Variants in MEF2A observed in about 807,000 individuals in gnomAD.
The protein encoded by MEF2A is myocyte enhancer factor 2A, also known as myocyte-specific enhancer factor 2A.
A neutral mutation model predicts 55.8 loss-of-function variants in MEF2A; 28 were observed. That is an observed-to-expected ratio of 0.50 (90% confidence interval 0.37 to 0.69). The LOEUF is 0.69. MEF2A is among the 30% of genes least tolerant of loss of function. MEF2A has a pLI of 0.00. For missense variants in MEF2A, 528 were observed against 626.2 expected (o/e 0.84, Z 1.67); for synonymous variants, 239 against 227.1 (o/e 1.05, Z -0.47).
chr15:99,618,941 T>C (rs566355491), intron 2 of MEF2A, among the ~76,000 whole-genome samples: 1 of 152,288 alleles, frequency 6.6e-6, no homozygotes, highest in East Asian at 1.9e-4. Context: ...ATGTGTGAAA[T>C]TTAAATTGTG....
At chr15:99,683,687 A>G (rs554480606) in intron 7 of MEF2A, among the ~76,000 whole-genome samples, 68 of 149,098 alleles carry the variant, frequency 4.6e-4, no homozygotes, top group African/African-American at 1.7e-3. Context: ...TATACTTGCG[A>G]GCCACCATGC....
At chr15:99,590,615 T>A (rs1258064904) in intron 1 of MEF2A, among the ~76,000 whole-genome samples, 2 of 151,898 alleles carry the variant, frequency 1.3e-5, no homozygotes, top group African/African-American at 2.4e-5. Flanking sequence ...AAATATGCAT[T>A]CCATTTAATC....
chr15:99,600,792 G>A (rs1217712025), intron 2 of MEF2A, among the ~76,000 whole-genome samples: 1 of 152,080 alleles, frequency 6.6e-6, no homozygotes, highest in African/African-American at 2.4e-5. Flanking sequence ...CTTGATTACT[G>A]AAGCTTTTAT....
chr15:99,692,378 C>T (rs534116936), intron 8 of MEF2A, among the ~76,000 whole-genome samples: 1 of 152,292 alleles, frequency 6.6e-6, no homozygotes, highest in South Asian at 2.1e-4. Context: ...CCCAGCCTCA[C>T]AATTAAAAAA....
intron 11 of MEF2A, among the ~76,000 whole-genome samples, chr15:99,711,767 G>A (rs2058664003): frequency 6.6e-6 from 1 of 152,192 alleles, no homozygotes; most frequent in African/African-American, 2.4e-5. Context: ...AGTATCTCAG[G>A]GAAATTTGCC....
At chr15:99,582,828 G>A (rs1966322612) in intron 1 of MEF2A, among the ~76,000 whole-genome samples, 1 of 152,094 alleles carries the variant, frequency 6.6e-6, no homozygotes, top group African/African-American at 2.4e-5. Context: ...TTTTATAGCA[G>A]AGAGGTCTAG....
intron 3 of MEF2A, among the ~76,000 whole-genome samples, chr15:99,643,231 C>T (rs1330631047): frequency 2.6e-5 from 4 of 152,260 alleles, no homozygotes; most frequent in African/African-American, 7.2e-5. Flanking sequence ...AATTAACACT[C>T]TACTAATTAG....
intron 1 of MEF2A, among the ~76,000 whole-genome samples, chr15:99,591,602 A>T (rs553564612): frequency 7.9e-5 from 12 of 152,140 alleles, no homozygotes; most frequent in African/African-American, 2.6e-4. Flanking sequence ...CTATTTCGTC[A>T]TGTATTTTTT....
intron 3 of MEF2A, among the ~76,000 whole-genome samples, chr15:99,645,319 G>A (rs1468287178): frequency 6.6e-6 from 1 of 152,150 alleles, no homozygotes. Flanking sequence ...GTAGTGGAGT[G>A]GCAGCCAAGG....
intron 8 of MEF2A, among the ~76,000 whole-genome samples, chr15:99,700,366 GT>G (rs2057240437): frequency 2.0e-5 from 3 of 151,400 alleles, no homozygotes; most frequent in Non-Finnish European, 4.4e-5. Context: ...ACAAAAATTA[GT>G]CGAGTGTGGT....
At position 99,710,760 on chromosome 15, in the gene MEF2A, T is replaced by C. The variant is rs1160720970; in HGVS notation, c.1136T>C (p.Val379Ala). 1 of 1,597,112 alleles carries C rather than the reference T, an allele frequency of 6.3e-7. No homozygotes were observed. The highest frequency in any genetic ancestry group is 1.1e-5 in the South Asian group (1 of 90,716). ...HLGQAALSSL[V>A]AGGQLSQGSN... Reference sequence around the variant, plus strand: ...GGACAAGCAGCCCTCAGCTCTCTTGTGTGAGTAACTAGAAGTTTTCCCTGC... The same window carrying C: ...GGACAAGCAGCCCTCAGCTCTCTTGCGTGAGTAACTAGAAGTTTTCCCTGC... Residue 379 changes from valine (V) to alanine (A), a missense_variant and splice_region_variant, in exon 11 of 12, where the codon GTT becomes GCT. By Grantham distance (64) the Val-to-Ala change is moderately conservative (BLOSUM62 0). Transcript: ENST00000557942.
At chr15:99,628,315 T>C (rs1392203032) in intron 2 of MEF2A, among the ~76,000 whole-genome samples, 1 of 152,192 alleles carries the variant, frequency 6.6e-6, no homozygotes, top group Non-Finnish European at 1.5e-5. Context: ...ATGCTTTTAC[T>C]TTTTTTCTGT....
intron 8 of MEF2A, among the ~76,000 whole-genome samples, chr15:99,700,444 C>T (rs1050571566): frequency 2.6e-5 from 4 of 151,572 alleles, no homozygotes; most frequent in African/African-American, 9.7e-5. Flanking sequence ...CCCAGGAAGT[C>T]GAGGCTGCAG....
At chr15:99,678,374 T>G (rs779977875) in intron 7 of MEF2A, among the ~76,000 whole-genome samples, 17 of 152,232 alleles carry the variant, frequency 1.1e-4, no homozygotes, top group Non-Finnish European at 1.9e-4. Context: ...AAGGAATGTT[T>G]ATTCTGTATT....
intron 2 of MEF2A, among the ~76,000 whole-genome samples, chr15:99,616,513 G>A (rs1307907685): frequency 6.6e-6 from 1 of 152,084 alleles, no homozygotes; most frequent in Non-Finnish European, 1.5e-5. Flanking sequence ...TAGCATCAGA[G>A]TTAAGACTCA....
intron 2 of MEF2A, among the ~76,000 whole-genome samples, chr15:99,599,381 G>T (rs1972256616): frequency 1.3e-5 from 2 of 152,024 alleles, no homozygotes; most frequent in South Asian, 4.1e-4. Context: ...CTTGGAAAAG[G>T]TATCTTAAAA....
At chr15:99,690,048 C>T (rs2055066615) in intron 7 of MEF2A, among the ~76,000 whole-genome samples, 193 bp from the exon 8 acceptor site, 1 of 152,110 alleles carries the variant, frequency 6.6e-6, no homozygotes, top group African/African-American at 2.4e-5. Context: ...GGATGCTCAG[C>T]CAATAAGTAT....
At chr15:99,687,983 C>T (rs1180605371) in intron 7 of MEF2A, among the ~76,000 whole-genome samples, 2 of 152,120 alleles carry the variant, frequency 1.3e-5, no homozygotes, top group African/African-American at 2.4e-5. Context: ...ATGCTGAGTC[C>T]TCCCCAGAGA....
intron 2 of MEF2A, among the ~76,000 whole-genome samples, chr15:99,604,875 A>G (rs1348610712): frequency 6.6e-6 from 1 of 152,180 alleles, no homozygotes; most frequent in African/African-American, 2.4e-5. Flanking sequence ...TTTGAGGGCT[A>G]TACTCCATGC....
Sources: gnomAD v4.1 joint callset for allele counts (sites outside exome capture counted in the v4.1 genomes callset) on GRCh38, gnomAD v4.1.1 for gene constraint, MANE v1.5 for transcripts, NCBI Gene and HGNC (gene_info 2026-07-23, HGNC 2026-07-21) for gene names.